Variants in PGAM5 observed in about 807,000 individuals in gnomAD.
PGAM5 encodes the protein PGAM family member 5, mitochondrial serine/threonine protein phosphatase, also known as serine/threonine-protein phosphatase PGAM5, mitochondrial.
In PGAM5, 25 loss-of-function variants were observed where a neutral mutation model predicts 30.6. The ratio of observed to expected loss-of-function variants is 0.82; its 90% CI spans 0.60 to 1.14. The LOEUF is 1.14. PGAM5 is among the 50% of genes most tolerant of loss of function. The pLI is 0.00. For missense variants in PGAM5, 384 were observed against 408.5 expected (o/e 0.94, Z 0.52); for synonymous variants, 201 against 179.1 (o/e 1.12, Z -0.98).
intron 1 of PGAM5, among the ~76,000 whole-genome samples, chr12:132,713,298 C>CA (rs1429597980): frequency 6.6e-6 from 1 of 152,166 alleles, no homozygotes; most frequent in Admixed American, 6.5e-5. Context: ...CTTATACAGA[C>CA]AGAAGGCATG....
At position 132,714,865 on chromosome 12, in the gene PGAM5, C is replaced by A; in HGVS notation, c.199C>A (p.Pro67Thr). The change falls in exon 2 of 6, where the codon CCA (proline) becomes ACA (threonine). Residue 67 changes from proline to threonine, a missense_variant. Coordinates refer to ENST00000498926, the MANE Select transcript of PGAM5 (RefSeq NM_001170543.2). ...VWDPNWDRREPLSLINVRKRN... is the reference protein window; with the variant it reads ...VWDPNWDRRETLSLINVRKRN... ...CTTGTATTTCAACATCAGGCGAGAA[C>A]CACTGTCTCTGATCAACGTGCGGAA... 8.7e-6 allele frequency: 14 copies of A among 1,613,666 alleles called. No individual in the cohort carries two copies. Among genetic ancestry groups the A allele is most frequent in the Non-Finnish European group, 1.2e-5 (14 of 1,179,944 alleles).
chr12:132,721,041 G>A lies in PGAM5; in HGVS notation c.*213G>A. 1 of 557,010 alleles carries A rather than the reference G, an allele frequency of 1.8e-6. No individual in the cohort carries two copies. The highest frequency in any genetic ancestry group is 3.0e-6 in the Non-Finnish European group (1 of 331,698). The allele number at this position is 557,010 out of a possible 1,614,324, so 34.5% of individuals were successfully genotyped here. The stretch of plus-strand genomic sequence containing the variant: ...CCATGAACCCCCAGGATGGCGTGGG[G>A]TTTAAGGTGAAAGCGTCTCACGCAC... On this transcript the variant is annotated 3_prime_UTR_variant, in exon 6 of 6. Transcript: ENST00000498926.
At position 132,721,629 on chromosome 12, in the gene PGAM5, C is replaced by A. The variant is rs11147017; in HGVS notation, c.*801C>A. On this transcript the variant is annotated 3_prime_UTR_variant, in exon 6 of 6. Transcript: ENST00000498926. ...TTGAAACGGAGTTTCACTCTTGTTGCCCAGGCTGGAGTGCAGTGGTGCGAT... is the reference window on the plus strand; with the variant it reads ...TTGAAACGGAGTTTCACTCTTGTTGACCAGGCTGGAGTGCAGTGGTGCGAT... 0.36 allele frequency: 54,852 copies of A among 151,768 alleles called. 11,783 individuals are homozygous for A. Among genetic ancestry groups the A allele is most frequent in the Non-Finnish European group, 0.48 (32,782 of 67,810 alleles). The allele number at this position is 151,768 out of a possible 1,614,324, so 9.4% of individuals were successfully genotyped here. A position where few individuals can be genotyped will look rare whatever the true frequency, so the allele number is the denominator to read the frequency against.
At chr12:132,712,838 G>C (rs2043535844) in intron 1 of PGAM5, among the ~76,000 whole-genome samples, 1 of 152,082 alleles carries the variant, frequency 6.6e-6, no homozygotes, top group Admixed American at 6.6e-5. Flanking sequence ...GTCTTTTTAA[G>C]GAAACAGATT....
chr12:132,720,000 G>A (rs546598719), intron 5 of PGAM5, among the ~76,000 whole-genome samples: 7 of 151,690 alleles, frequency 4.6e-5, no homozygotes, highest in African/African-American at 7.2e-5. Context: ...GTGTTTCCTC[G>A]TAAGAAGTCA....
chr12:132,717,310 G>T (rs2043588317), intron 2 of PGAM5, 129 bp from the exon 3 acceptor site: 4 of 1,141,894 alleles, frequency 3.5e-6, no homozygotes, highest in Non-Finnish European at 4.9e-6. Context: ...GGGCGGAGGA[G>T]GGGGTGTTTG....
chr12:132,720,427 C>T (rs1434135555), intron 5 of PGAM5, among the ~76,000 whole-genome samples: 2 of 151,964 alleles, frequency 1.3e-5, no homozygotes, highest in African/African-American at 4.8e-5. Context: ...TCTGCCTCAG[C>T]CTCCCAAGTA....
At chr12:132,718,260 C>A in intron 5 of PGAM5, 140 bp downstream of exon 5, 1 of 1,100,942 alleles carries the variant, frequency 9.1e-7, no homozygotes, top group Non-Finnish European at 1.3e-6. Flanking sequence ...GTCCACTTCC[C>A]GCGAGTCCTA....
chr12:132,715,910 G>A (rs2043572485), intron 2 of PGAM5, among the ~76,000 whole-genome samples: 1 of 152,100 alleles, frequency 6.6e-6, no homozygotes. Context: ...TTTAGCAAAT[G>A]TTGGACAGAT....
Position 132,710,922 on chromosome 12 carries a change from G to T in PGAM5, c.46G>T (p.Gly16Trp). ...GCAGCTGGCGGCCTGCGGGCTGGCC[G>T]GGGGCTCGGCCGCCGTGCTCTTCTC... is the stretch of plus-strand genomic sequence containing the variant. ...ALQLAACGLA[G>W]GSAAVLFSAV... is the part of the protein sequence containing the mutation. Residue 16 changes from glycine to tryptophan, a missense_variant, in exon 1 of 6, where the codon GGG becomes TGG. Physicochemically the swap from Gly to Trp is radical, Grantham distance 184 (BLOSUM62 -2). Transcript: ENST00000498926. The T allele has an allele frequency of 8.6e-7, 1 of 1,156,560 alleles. No individual in the cohort carries two copies. The allele number at this position is 1,156,560 out of a possible 1,614,324, so 71.6% of individuals were successfully genotyped here. A position where few individuals can be genotyped will look rare whatever the true frequency, so the allele number is the denominator to read the frequency against.
intron 5 of PGAM5, chr12:132,718,908 AC>A (rs1364962381): frequency 1.3e-5 from 20 of 1,591,646 alleles, no homozygotes; most frequent in Admixed American, 6.8e-5. Context: ...CAGCTGAGTC[AC>A]GTTGCTGCTC....
chr12:132,717,270 G>A (rs2043587830), intron 2 of PGAM5, among the ~76,000 whole-genome samples, 169 bp from the exon 3 acceptor site: 1 of 152,026 alleles, frequency 6.6e-6, no homozygotes, highest in South Asian at 2.1e-4. Context: ...AGCTTGCTGA[G>A]CTTGCTGCCT....
At chr12:132,716,869 G>A (rs1430988755) in intron 2 of PGAM5, among the ~76,000 whole-genome samples, 3 of 152,242 alleles carry the variant, frequency 2.0e-5, no homozygotes, top group African/African-American at 7.2e-5. Flanking sequence ...CAAAGAAAGT[G>A]GAGTGACAGA....
At chr12:132,717,860 C>G in intron 4 of PGAM5, 62 bp downstream of exon 4, 3 of 1,588,208 alleles carry the variant, frequency 1.9e-6, no homozygotes, top group East Asian at 4.6e-5. Context: ...AGCGGCCCTG[C>G]TGGGCTCACC....
intron 5 of PGAM5, among the ~76,000 whole-genome samples, chr12:132,719,905 C>G (rs2043625857): frequency 6.6e-6 from 1 of 152,218 alleles, no homozygotes; most frequent in South Asian, 2.1e-4. Flanking sequence ...TAGATCCCAT[C>G]TCCGTTCTTT....
chr12:132,714,481 C>T (rs1223553326), intron 1 of PGAM5, among the ~76,000 whole-genome samples: 2 of 152,206 alleles, frequency 1.3e-5, no homozygotes, highest in East Asian at 1.9e-4. Context: ...CCATCTTGGC[C>T]CCGTGGACAC....
At chr12:132,720,098 T>TGTCGATCCCAGTCATCGATTGAC in intron 5 of PGAM5, among the ~76,000 whole-genome samples, 1 of 148,804 alleles carries the variant, frequency 6.7e-6, no homozygotes, top group African/African-American at 2.5e-5. Context: ...GCTCCATTCA[T>TGTCGATCCCAGTCATCGATTGAC]GTCGATCCCA....
intron 2 of PGAM5, among the ~76,000 whole-genome samples, chr12:132,715,569 T>TGAA (rs766509018): frequency 2.7e-5 from 1 of 37,338 alleles, no homozygotes. Context: ...AGACTCCGTC[T>TGAA]CAAAAAAAAA....
intron 1 of PGAM5, among the ~76,000 whole-genome samples, chr12:132,712,120 C>T (rs556357589): frequency 6.0e-4 from 92 of 152,248 alleles, no homozygotes; most frequent in African/African-American, 2.1e-3. Context: ...GCATCATACA[C>T]TAAGCATGGT....
Sources: allele counts gnomAD v4.1 joint callset (sites outside exome capture counted in the v4.1 genomes callset), GRCh38; gene constraint gnomAD v4.1.1; transcripts MANE v1.5; gene names NCBI Gene and HGNC (gene_info 2026-07-23, HGNC 2026-07-21).